ATP13A4: variants seen among roughly 807,000 people sequenced by gnomAD.
The protein encoded by ATP13A4 is ATPase 13A4.
Under a neutral mutation model 142.5 loss-of-function variants are expected in ATP13A4, and 114 were observed. That is an observed-to-expected ratio of 0.80 (90% confidence interval 0.69 to 0.93). The LOEUF (loss-of-function observed/expected upper bound fraction) is 0.93, where lower values mean the gene tolerates loss of function less well. Ranked by LOEUF, ATP13A4 falls within the 40% of genes least tolerant of loss-of-function variation. The pLI, the probability that ATP13A4 is intolerant of heterozygous loss-of-function variation, is 0.00. For missense variants in ATP13A4, 1,392 were observed against 1,454.0 expected (o/e 0.96, Z 0.69); for synonymous variants, 488 against 514.8 (o/e 0.95, Z 0.70).
At chr3:193,433,818 T>C in intron 25 of ATP13A4, 27 bp downstream of exon 25, 1 of 1,579,158 alleles carries the variant, frequency 6.3e-7, no homozygotes, top group Non-Finnish European at 8.7e-7. Flanking sequence ...GTAGCACCTC[T>C]GGTAAGAAAG....
At chr3:193,512,397 T>G (rs1024928778) in intron 2 of ATP13A4, among the ~76,000 whole-genome samples, 1 of 152,088 alleles carries the variant, frequency 6.6e-6, no homozygotes, top group Non-Finnish European at 1.5e-5. Context: ...TCATAGCACT[T>G]TACTAAATCT....
intron 2 of ATP13A4, among the ~76,000 whole-genome samples, chr3:193,570,074 A>G (rs1577084651): frequency 2.0e-5 from 3 of 152,108 alleles, no homozygotes; most frequent in Admixed American, 2.0e-4. Context: ...CTGAGGCAGG[A>G]GGATCACTTG....
intron 3 of ATP13A4, among the ~76,000 whole-genome samples, chr3:193,497,706 T>C (rs529526448): frequency 6.6e-6 from 1 of 152,174 alleles, no homozygotes; most frequent in East Asian, 1.9e-4. Flanking sequence ...AAAATGTACA[T>C]GTACATTTTC....
intron 1 of ATP13A4, among the ~76,000 whole-genome samples, chr3:193,531,329 A>AGGGGG (rs1405186776): frequency 8.7e-6 from 1 of 114,988 alleles, no homozygotes; most frequent in Non-Finnish European, 1.8e-5. Flanking sequence ...GAAGGAAGGA[A>AGGGGG]GGAAGGAAGG....
rs116896266 is a variant in ATP13A4 at position 193,575,319 on chromosome 3, C to T, written n.291+6388G>A. ...ATCATCATAGAAGTTTCTAGAATTACTATGGAGGAGGAGGCTTTTCTGTAT... is the reference window on the plus strand; with the variant it reads ...ATCATCATAGAAGTTTCTAGAATTATTATGGAGGAGGAGGCTTTTCTGTAT... On this transcript the variant is annotated intron_variant and non_coding_transcript_variant, in intron 2 of 3. Transcript: ENST00000489140. Among the ~76,000 whole-genome samples the T allele has an allele frequency of 7.3e-4, 111 of 152,200 alleles. 3 individuals are homozygous for T. In the East Asian group the frequency reaches 0.019, roughly 26 times the overall value.
At chr3:193,439,210 A>C in intron 21 of ATP13A4, 145 bp from the exon 22 acceptor site, 2 of 830,146 alleles carry the variant, frequency 2.4e-6, no homozygotes, top group Non-Finnish European at 4.0e-6. Flanking sequence ...TGACTGAAAA[A>C]AGTGTGATTC....
At chr3:193,426,315 C>T (rs985675345) in intron 25 of ATP13A4, among the ~76,000 whole-genome samples, 2 of 151,552 alleles carry the variant, frequency 1.3e-5, no homozygotes, top group African/African-American at 4.8e-5. Context: ...GAAAGGCTTC[C>T]ACACTGAAAA....
intron 8 of ATP13A4, among the ~76,000 whole-genome samples, chr3:193,483,303 C>A (rs1233196811): frequency 6.6e-6 from 1 of 151,990 alleles, no homozygotes. Context: ...GAAACAGGAA[C>A]AAGGCAACTT....
chr3:193,415,649 A>G (rs565365803), intron 25 of ATP13A4, among the ~76,000 whole-genome samples: 2 of 152,216 alleles, frequency 1.3e-5, no homozygotes, highest in Non-Finnish European at 2.9e-5. Context: ...GGATTGATGC[A>G]GGCACTCATC....
At chr3:193,557,789 A>T (rs1472024353), upstream of ATP13A4, among the ~76,000 whole-genome samples, 1 of 152,256 alleles carries the variant, frequency 6.6e-6, no homozygotes, top group East Asian at 1.9e-4. Context: ...TGAAGGAAGC[A>T]TTTTGAGAAA....
chr3:193,430,296 G>C (rs1347962584), intron 25 of ATP13A4, among the ~76,000 whole-genome samples: 2 of 152,078 alleles, frequency 1.3e-5, no homozygotes, highest in Non-Finnish European at 2.9e-5. Context: ...AGTTAACAAA[G>C]CCTGTACGAG....
intron 18 of ATP13A4, 113 bp from the exon 19 acceptor site, chr3:193,442,669 ATGATC>A (rs1716716009): frequency 2.8e-6 from 3 of 1,059,314 alleles, no homozygotes; most frequent in Non-Finnish European, 4.3e-6. Context: ...ATGAAGAGAA[ATGATC>A]TCTGATATCT....
rs189797359 is a variant in ATP13A4 at position 193,474,211 on chromosome 3, C to T, written c.809-3218G>A. 2.7e-3 allele frequency among the ~76,000 whole-genome samples: 398 copies of T among 148,400 alleles called. 2 individuals are homozygous for T. Among genetic ancestry groups the T allele is most frequent in the African/African-American group, 8.6e-3 (346 of 40,450 alleles). Reference sequence around the variant, plus strand: ...GCACGTGCCTGTAGTCCCAGCTACTCGGGAGGCTGAGGCAGGAGAACTGCT... The same window carrying T: ...GCACGTGCCTGTAGTCCCAGCTACTTGGGAGGCTGAGGCAGGAGAACTGCT... On this transcript the variant is annotated intron_variant, in intron 8 of 29. Transcript: ENST00000342695.
At position 193,464,986 on chromosome 3, in the gene ATP13A4, T is replaced by C. The variant is rs1283601635; in HGVS notation, c.1415A>G (p.Gln472Arg). ...TAACTGTCCACATACGTTGATCCTC[T>C]GGGGGCTAATGCAGAAGATGCCTCT... ...KKRGIFCISP[Q>R]RINVCGQLNL... Residue 472 changes from glutamine (Q) to arginine (R), a missense_variant, in exon 12 of 30, where the codon CAG becomes CGG. Transcript: ENST00000342695. The C allele has an allele frequency of 6.2e-7, 1 of 1,614,008 alleles. No homozygotes were observed. The highest frequency in any genetic ancestry group is 1.3e-5 in the African/African-American group (1 of 74,918).
At chr3:193,430,883 A>G (rs1019523436) in intron 25 of ATP13A4, among the ~76,000 whole-genome samples, 12 of 152,168 alleles carry the variant, frequency 7.9e-5, no homozygotes, top group Middle Eastern at 3.4e-3. Context: ...TACTCTTACT[A>G]TTGTGTAAAT....
At chr3:193,537,390 A>G (rs1179088043) in intron 1 of ATP13A4, among the ~76,000 whole-genome samples, 1 of 152,136 alleles carries the variant, frequency 6.6e-6, no homozygotes. Context: ...ATAGGCAAAA[A>G]TGCCCTCAAC....
At position 193,475,831 on chromosome 3, in the gene ATP13A4, C is replaced by G. The variant is rs372900223; in HGVS notation, c.809-4838G>C. 6.8e-4 allele frequency among the ~76,000 whole-genome samples: 103 copies of G among 151,870 alleles called. 4 individuals carry two copies. Among genetic ancestry groups the G allele is most frequent in the African/African-American group, 2.3e-3 (96 of 41,372 alleles). ...TACATTTCTAATGGGATGTTACAAA[C>G]AGGAAAAAAAGAATTCTAAAACCAT... On this transcript the variant is annotated intron_variant, in intron 8 of 29. Transcript: ENST00000342695.
At chr3:193,575,033 T>C (rs1284547834) in intron 2 of ATP13A4, among the ~76,000 whole-genome samples, 1 of 152,228 alleles carries the variant, frequency 6.6e-6, no homozygotes, top group African/African-American at 2.4e-5. Flanking sequence ...CTTGGAATAC[T>C]TTCTCTAGGA....
At chr3:193,511,218 T>C (rs1721124182) in intron 2 of ATP13A4, among the ~76,000 whole-genome samples, 1 of 152,144 alleles carries the variant, frequency 6.6e-6, no homozygotes, top group South Asian at 2.1e-4. Flanking sequence ...TCTGATTAGC[T>C]GTGGAGGGGC....
Sources: gnomAD v4.1 joint callset for allele counts (sites outside exome capture counted in the v4.1 genomes callset) on GRCh38, gnomAD v4.1.1 for gene constraint, MANE v1.5 for transcripts, NCBI Gene and HGNC (gene_info 2026-07-23, HGNC 2026-07-21) for gene names.